MBIP: variants seen among roughly 807,000 people sequenced by gnomAD.
The protein encoded by MBIP is MAP3K12 binding inhibitory protein 1.
A neutral mutation model predicts 45.7 loss-of-function variants in MBIP; 32 were observed. The ratio of observed to expected loss-of-function variants is 0.70; its 90% confidence interval spans 0.53 to 0.94. The LOEUF (loss-of-function observed/expected upper bound fraction) is 0.94. Among genes scored for constraint, MBIP ranks in the 40% least tolerant of loss-of-function variants. The pLI, the probability that MBIP is intolerant of heterozygous loss-of-function variation, is 0.00. For synonymous variants in MBIP, 145 were observed against 141.0 expected (o/e 1.03, Z -0.20); for missense variants, 381 against 405.5 (o/e 0.94, Z 0.52).
intron 7 of MBIP, among the ~76,000 whole-genome samples, chr14:36,303,974 T>C (rs1234699915): frequency 2.6e-5 from 4 of 152,182 alleles, no homozygotes; most frequent in African/African-American, 7.2e-5. Context: ...GGACCTAAAT[T>C]ACAAGTTTCT....
chr14:36,317,028 G>A (rs117103701), intron 1 of MBIP, among the ~76,000 whole-genome samples: 147 of 152,218 alleles, frequency 9.7e-4, no homozygotes, highest in Non-Finnish European at 1.6e-3. Flanking sequence ...ATGACATGTC[G>A]TTCAAATTCT....
intron 7 of MBIP, among the ~76,000 whole-genome samples, chr14:36,302,036 T>C (rs368712687): frequency 1.3e-5 from 2 of 152,222 alleles, no homozygotes; most frequent in African/African-American, 4.8e-5. Flanking sequence ...GAATTAGTAA[T>C]TAAGAAATAA....
At chr14:36,318,181 G>A (rs1017507103) in intron 1 of MBIP, among the ~76,000 whole-genome samples, 11 of 152,094 alleles carry the variant, frequency 7.2e-5, no homozygotes, top group Non-Finnish European at 1.2e-4. Context: ...AGTCTTCAAG[G>A]AGATCTATAG....
chr14:36,314,705 C>G lies in MBIP; in HGVS notation c.460G>C (p.Ala154Pro), dbSNP rs891784782. 3.7e-6 allele frequency: 6 copies of G among 1,613,216 alleles called. No individual in the cohort carries two copies. The highest frequency in any genetic ancestry group is 1.3e-5 in the African/African-American group (1 of 74,858). The change falls in exon 3 of 9, where the codon GCT becomes CCT. Residue 154 changes from alanine to proline, a missense_variant. Ala to Pro is a conservative substitution (Grantham distance 27). Coordinates refer to ENST00000416007, the MANE Select transcript of MBIP (RefSeq NM_016586.3). The stretch of plus-strand genomic sequence containing the variant: ...AACCTTCTTACTTCTGCTTTTCCAG[C>G]CTTTATCTGAACTACTTCTGGATCA... ...HFDPEVVQIK[A>P]GKAEIDRRIS...
chr14:36,311,938 T>C (rs753192552), intron 5 of MBIP, 21 bp downstream of exon 5: 3 of 1,536,850 alleles, frequency 2.0e-6, no homozygotes, highest in Admixed American at 4.0e-5. Flanking sequence ...GTGACTCAGA[T>C]GTCATGTGGT....
At chr14:36,317,732 C>T (rs1267360013) in intron 1 of MBIP, among the ~76,000 whole-genome samples, 2 of 152,014 alleles carry the variant, frequency 1.3e-5, no homozygotes, top group African/African-American at 4.8e-5. Flanking sequence ...GTGTTTACAG[C>T]ATAGTATAAG....
chr14:36,311,758 T>G (rs955990653), intron 5 of MBIP, 33 bp from the exon 6 acceptor site: 1 of 1,533,934 alleles, frequency 6.5e-7, no homozygotes, highest in Non-Finnish European at 8.8e-7. Flanking sequence ...CTATATACAT[T>G]TGTATTTCAA....
chr14:36,301,512 G>A (rs962597413), intron 7 of MBIP, among the ~76,000 whole-genome samples: 4 of 152,106 alleles, frequency 2.6e-5, no homozygotes, highest in African/African-American at 7.2e-5. Flanking sequence ...CTGCCGTATT[G>A]GGTAAGACAC....
chr14:36,314,639 A>T, intron 3 of MBIP, 31 bp from the exon 4 acceptor site: 10 of 1,606,516 alleles, frequency 6.2e-6, no homozygotes, highest in Non-Finnish European at 8.5e-6. Flanking sequence ...CAGTGTAAAC[A>T]TAAGATTTTT....
In MBIP at chr14:36,311,650, C is replaced by T. The variant is rs1566552432; in HGVS notation, c.713G>A (p.Ser238Asn). 3.1e-6 allele frequency: 5 copies of T among 1,613,530 alleles called. No individual in the cohort carries two copies. The highest frequency in any genetic ancestry group is 1.7e-5 in the Admixed American group (1 of 59,978). ...CTGATTACCACAGTCTCGAAGCATGCTGTTAGGTTTATGACCTGACCCTGG... is the reference window on the plus strand; with the variant it reads ...CTGATTACCACAGTCTCGAAGCATGTTGTTAGGTTTATGACCTGACCCTGG... ...GIPGSGHKPN[S>N]MLRDCGNQAV... is the part of the protein sequence containing the mutation. Residue 238 changes from serine (S) to asparagine (N), a missense_variant, in exon 6 of 9, where the codon AGC becomes AAC. Physicochemically the swap from Ser to Asn is conservative, Grantham distance 46 (BLOSUM62 1). Transcript: ENST00000416007.
chr14:36,312,027 A>G lies in MBIP; in HGVS notation c.572-3T>C. The stretch of plus-strand genomic sequence containing the variant: ...ATCAGTTCTTGCACAACTATTTTCT[A>G]AGGAGAATTTAGATAAATATAAGTT... On this transcript the variant is annotated splice_region_variant and splice_polypyrimidine_tract_variant and intron_variant, in intron 4 of 8. Coordinates refer to ENST00000416007, the MANE Select transcript of MBIP (RefSeq NM_016586.3). 6.4e-7 allele frequency: 1 copy of G among 1,551,326 alleles called. No homozygotes were observed. Among genetic ancestry groups the G allele is most frequent in the African/African-American group, 1.4e-5 (1 of 73,178 alleles).
At chr14:36,316,168 A>C (rs1287761438) in intron 2 of MBIP, among the ~76,000 whole-genome samples, 1 of 152,196 alleles carries the variant, frequency 6.6e-6, no homozygotes. Flanking sequence ...GTTAAGGAAA[A>C]GAAATGATAA....
rs887150034 is a variant in MBIP at position 36,312,106 on chromosome 14, C to A, written c.572-82G>T. ...AGATTTTAATAAACTTTCAATAATT[C>A]ATATTAACATTTTACTCATAATAAT... On this transcript the variant is annotated intron_variant, in intron 4 of 8. Transcript: ENST00000416007. 11 of 677,504 alleles carry A rather than the reference C, an allele frequency of 1.6e-5. No homozygotes were observed. In the East Asian group the frequency reaches 3.1e-4, roughly 19 times the overall value. The allele number at this position is 677,504 out of a possible 1,614,324, so 42.0% of individuals were successfully genotyped here.
Position 36,314,935 on chromosome 14 carries a change from A to C in MBIP, c.250-20T>G, listed in dbSNP as rs1880478066. The C allele has an allele frequency of 6.6e-7, 1 of 1,513,872 alleles. No individual in the cohort carries two copies. The highest frequency in any genetic ancestry group is 9.2e-7 in the Non-Finnish European group (1 of 1,089,808). 93.8% of individuals were successfully genotyped at this position (1,513,872 alleles called of 1,614,324 possible). A position where few individuals can be genotyped will look rare whatever the true frequency, so the allele number is the denominator to read the frequency against. ...AAAAGGCTGAGAACAACACAATTCC[A>C]TCTGCTGAGGTTCAATCTGACCAAA... On this transcript the variant is annotated intron_variant, in intron 2 of 8. Coordinates refer to ENST00000416007, the MANE Select transcript of MBIP (RefSeq NM_016586.3).
chr14:36,299,673 GC>G (rs1444405694), intron 8 of MBIP, among the ~76,000 whole-genome samples: 1 of 152,018 alleles, frequency 6.6e-6, no homozygotes, highest in African/African-American at 2.4e-5. Context: ...GAAGAAAAAT[GC>G]TAATTATACT....
At chr14:36,310,099 T>TA (rs1464992831) in intron 6 of MBIP, among the ~76,000 whole-genome samples, 1 of 152,208 alleles carries the variant, frequency 6.6e-6, no homozygotes, top group African/African-American at 2.4e-5. Context: ...TCCAAAAACT[T>TA]AACTGTTTCA....
rs367757136 is a variant in MBIP, at chr14:36,320,565, A to G, written c.24T>C (p.Asn8=). 3.1e-6 allele frequency: 5 copies of G among 1,612,652 alleles called. No individual in the cohort carries two copies. The African/African-American group carries it at 4.0e-5, about 13-fold the overall frequency. MAAATEL[N]RPSSGDRNLE... is the part of the protein sequence containing the mutation. Reference sequence around the variant, plus strand: ...GGTTCCTGTCACCGCTGCTCGGGCGATTAAGCTCCGTGGCAGCAGCCATGA... The same window carrying G: ...GGTTCCTGTCACCGCTGCTCGGGCGGTTAAGCTCCGTGGCAGCAGCCATGA... The change falls in exon 1 of 9, where the codon AAT becomes AAC. Residue 8 remains asparagine (N), a synonymous_variant. Transcript: ENST00000416007.
chr14:36,300,541 T>C (rs1879479043), intron 8 of MBIP, among the ~76,000 whole-genome samples: 2 of 152,212 alleles, frequency 1.3e-5, no homozygotes, highest in Non-Finnish European at 2.9e-5. Context: ...ACTTTGTGAA[T>C]GACACATCCT....
intron 6 of MBIP, among the ~76,000 whole-genome samples, chr14:36,310,116 T>C (rs1880114729): frequency 1.3e-5 from 2 of 152,224 alleles, no homozygotes; most frequent in South Asian, 4.1e-4. Flanking sequence ...TTCATACTAT[T>C]ATTAGAGACT....
Sources: allele counts gnomAD v4.1 joint callset (sites outside exome capture counted in the v4.1 genomes callset), GRCh38; gene constraint gnomAD v4.1.1; transcripts MANE v1.5; gene names NCBI Gene and HGNC (gene_info 2026-07-23, HGNC 2026-07-21).